Variants in FAM193B observed in about 807,000 individuals in gnomAD.
FAM193B encodes family with sequence similarity 193 member B.
A neutral mutation model predicts 70.7 loss-of-function variants in FAM193B; 27 were observed. The observed-to-expected ratio is 0.38, with a 90% confidence interval of 0.28 to 0.53. The LOEUF (loss-of-function observed/expected upper bound fraction) is 0.53, where lower values mean the gene tolerates loss of function less well. FAM193B is among the 20% of genes least tolerant of loss of function. The pLI is 0.81. For missense variants in FAM193B, 1,022 were observed against 1,072.5 expected, an observed-to-expected ratio of 0.95 and a Z score of 0.66; for synonymous variants, 448 against 436.0, an observed-to-expected ratio of 1.03 and a Z score of -0.34.
intron 3 of FAM193B, 77 bp from the exon 4 acceptor site, chr5:177,536,822 C>T: frequency 1.3e-6 from 2 of 1,501,338 alleles, no homozygotes; most frequent in Admixed American, 4.9e-5. Context: ...CTCACTGCCA[C>T]AGCATCCTGC....
chr5:177,522,817 C>G (rs993634266), intron 7 of FAM193B: 1 of 152,696 alleles, frequency 6.5e-6, no homozygotes, highest in African/African-American at 2.4e-5. Context: ...CAGGTTCAAG[C>G]GATTCTCTTG....
At chr5:177,529,132 G>A (rs1029717126) in intron 5 of FAM193B, among the ~76,000 whole-genome samples, 9 of 151,992 alleles carry the variant, frequency 5.9e-5, no homozygotes, top group African/African-American at 2.2e-4. Flanking sequence ...GTGGCAGGAG[G>A]TCACAGATGA....
intron 1 of FAM193B, chr5:177,553,868 G>A (rs979310307): frequency 1.9e-5 from 24 of 1,256,008 alleles, no homozygotes; most frequent in Admixed American, 2.6e-5. Context: ...TCCAGTCCCA[G>A]AGCCCCGAGA....
Position 177,523,965 on chromosome 5 carries a change from G to A in FAM193B, c.2364C>T (p.Tyr788=). 1 of 1,614,046 alleles carries A rather than the reference G, an allele frequency of 6.2e-7. No homozygotes were observed. The highest frequency in any genetic ancestry group is 8.5e-7 in the Non-Finnish European group (1 of 1,179,910). The change falls in exon 7 of 9, where the codon TAC becomes TAT. Residue 788 remains tyrosine, a synonymous_variant. Transcript: ENST00000514747. The part of the protein sequence containing the change: ...EMDETDREVE[Y]FKRFCLDSAK... Reference sequence around the variant, plus strand: ...AGGCAGCCCACACCTACCTCTTAAAGTACTCCACCTCTCGGTCAGTCTCAT... The same window carrying A: ...AGGCAGCCCACACCTACCTCTTAAAATACTCCACCTCTCGGTCAGTCTCAT...
chr5:177,554,023 A>T, intron 1 of FAM193B: 2 of 1,322,206 alleles, frequency 1.5e-6, no homozygotes, highest in East Asian at 3.4e-5. Context: ...GGGAGAGGGG[A>T]GCAGCTTCAG....
chr5:177,547,345 C>A (rs1018646242), intron 1 of FAM193B: 1 of 122,058 alleles, frequency 8.2e-6, no homozygotes, highest in African/African-American at 3.2e-5. Context: ...AGTGCAGTGG[C>A]GCGATCTCGA....
At chr5:177,537,802 A>G in intron 3 of FAM193B, 71 bp downstream of exon 3, 1 of 1,504,632 alleles carries the variant, frequency 6.6e-7, no homozygotes, top group Non-Finnish European at 8.9e-7. Context: ...ATTTGTTTGA[A>G]CAAAGTGGAT....
intron 5 of FAM193B, 51 bp from the exon 6 acceptor site, chr5:177,525,256 A>G: frequency 7.1e-7 from 1 of 1,413,426 alleles, no homozygotes; most frequent in Non-Finnish European, 9.3e-7. Flanking sequence ...TGCCAGGCAC[A>G]ATGTGATACC....
At position 177,539,070 on chromosome 5, in the gene FAM193B, G is replaced by A; in HGVS notation, c.288C>T (p.Gly96=). ...CHRERKGWEE[G]PSQNGLVLQG... ...GCAACACCAGTCCATTTTGAGAAGG[G>A]CCTTCTTCCCAGCCTTTGCGTTCCC... Residue 96 remains glycine (G), a synonymous_variant, in exon 2 of 9, where the codon GGC becomes GGT. Transcript: ENST00000514747. The A allele has an allele frequency of 6.2e-7, 1 of 1,613,692 alleles. No homozygotes were observed. The highest frequency in any genetic ancestry group is 8.5e-7 in the Non-Finnish European group (1 of 1,179,740).
chr5:177,546,284 C>T (rs1765414655), intron 1 of FAM193B, among the ~76,000 whole-genome samples: 1 of 152,226 alleles, frequency 6.6e-6, no homozygotes, highest in African/African-American at 2.4e-5. Context: ...TTTAGTATAG[C>T]ATCATCAAAA....
chr5:177,524,737 C>T lies in FAM193B; in HGVS notation c.1744G>A (p.Gly582Arg), dbSNP rs568949342. The T allele has an allele frequency of 5.0e-5, 77 of 1,546,444 alleles. No individual in the cohort carries two copies. The highest frequency in any genetic ancestry group is 3.2e-4 in the Admixed American group (16 of 49,640). Reference sequence around the variant, plus strand: ...ACGGTGTTGAGTCTCCTCACGAGCCCGTTCTCGGGGACGATACCGGGAGGG... The same window carrying T: ...ACGGTGTTGAGTCTCCTCACGAGCCTGTTCTCGGGGACGATACCGGGAGGG... ...GPPPGIVPENGLVRRLNTVPN... is the reference protein window; with the variant it reads ...GPPPGIVPENRLVRRLNTVPN... The change falls in exon 6 of 9, where the codon GGG (glycine) becomes AGG (arginine). Residue 582 changes from glycine (G) to arginine (R), a missense_variant. Gly to Arg is a moderately radical substitution (Grantham distance 125). Transcript: ENST00000514747.
intron 1 of FAM193B, chr5:177,553,202 C>T: frequency 1.0e-6 from 1 of 985,896 alleles, no homozygotes; most frequent in South Asian, 4.7e-5. Flanking sequence ...AGAAGGCTGT[C>T]AAGAGCCATG....
intron 1 of FAM193B, among the ~76,000 whole-genome samples, chr5:177,549,874 A>C (rs1327126554): frequency 7.1e-6 from 1 of 140,278 alleles, no homozygotes; most frequent in African/African-American, 2.6e-5. Flanking sequence ...TACTTATTAT[A>C]ATTTTTAACA....
At position 177,537,730 on chromosome 5, in the gene FAM193B, A is replaced by C. The variant is rs1033477515; in HGVS notation, c.688+143T>G. The C allele has an allele frequency of 3.3e-6, 4 of 1,224,640 alleles. No individual in the cohort carries two copies. The African/African-American group carries it at 6.1e-5, about 19-fold the overall frequency. The allele number at this position is 1,224,640 out of a possible 1,614,324, so 75.9% of individuals were successfully genotyped here. On this transcript the variant is annotated intron_variant, in intron 3 of 8. Transcript: ENST00000514747. ...GGAGTTCCAGAAATAGTCAAGGTCT[A>C]AGCTGCCCCTGCTTCCACCAGAACA...
intron 3 of FAM193B, among the ~76,000 whole-genome samples, chr5:177,537,487 TAGGTGGGGAAATCA>T (rs1764307551): frequency 6.6e-6 from 1 of 152,150 alleles, no homozygotes; most frequent in Admixed American, 6.5e-5. Flanking sequence ...ACCCATCCCT[TAGGTGGGGAAATCA>T]AGGCCTAGGA....
intron 1 of FAM193B, among the ~76,000 whole-genome samples, chr5:177,544,837 A>T (rs1274945554): frequency 6.6e-6 from 1 of 152,234 alleles, no homozygotes; most frequent in Non-Finnish European, 1.5e-5. Context: ...TATGGGCTCA[A>T]ATTCAATAAT....
In FAM193B at chr5:177,554,350, G is replaced by C. The variant is rs1401565153; in HGVS notation, c.109C>G (p.Leu37Val). 1.6e-6 allele frequency: 2 copies of C among 1,231,058 alleles called. No individual in the cohort carries two copies. The highest frequency in any genetic ancestry group is 3.1e-5 in the African/African-American group (2 of 63,692). 76.3% of individuals were successfully genotyped at this position (1,231,058 alleles called of 1,614,324 possible). The change falls in exon 1 of 9, where the codon CTG (leucine) becomes GTG (valine). Residue 37 changes from leucine (L) to valine (V), a missense_variant. Transcript: ENST00000514747. Reference sequence around the variant, plus strand: ...GGGCCTGCACCCGCTCCCGCCTCCAGGCTTGGCGGCGGCGGGGGCTCGGGC... The same window carrying C: ...GGGCCTGCACCCGCTCCCGCCTCCACGCTTGGCGGCGGCGGGGGCTCGGGC... ...QAPEPPPPPS[L>V]EAGAGAGPPE...
intron 3 of FAM193B, 142 bp from the exon 4 acceptor site, chr5:177,536,887 G>A (rs1490884014): frequency 8.6e-7 from 1 of 1,166,894 alleles, no homozygotes; most frequent in Non-Finnish European, 1.2e-6. Flanking sequence ...AGCTGCAGAA[G>A]ATTCTGTGTG....
chr5:177,542,511 T>C lies in FAM193B; in HGVS notation c.211-3364A>G, dbSNP rs546718134. Reference sequence around the variant, plus strand: ...ATTTTACACAAACGTGAGTCTCTCATATATGATGAATCTAAACTGACTTGT... The same window carrying C: ...ATTTTACACAAACGTGAGTCTCTCACATATGATGAATCTAAACTGACTTGT... On this transcript the variant is annotated intron_variant, in intron 1 of 8. Transcript: ENST00000514747. Among the ~76,000 whole-genome samples, 7 of 152,362 alleles carry C rather than the reference T, an allele frequency of 4.6e-5. No homozygotes were observed. The South Asian group carries it at 1.5e-3, about 32-fold the overall frequency.
Sources: allele counts gnomAD v4.1 joint callset (sites outside exome capture counted in the v4.1 genomes callset), GRCh38; gene constraint gnomAD v4.1.1; transcripts MANE v1.5; gene names NCBI Gene and HGNC (gene_info 2026-07-23, HGNC 2026-07-21).